PPEF2: variants seen among roughly 807,000 people sequenced by gnomAD.
PPEF2 encodes the protein serine/threonine-protein phosphatase with EF-hands 2.
In PPEF2, 84 loss-of-function variants were observed where a neutral mutation model predicts 84.7. The ratio of observed to expected loss-of-function variants is 0.99; its 90% CI spans 0.83 to 1.19. The LOEUF is 1.19. PPEF2 is among the 50% of genes most tolerant of loss of function. The probability of loss-of-function intolerance (pLI) is 0.00; values close to 1 mark genes in which losing one functional copy is unlikely to be tolerated. For missense variants in PPEF2, 924 were observed against 937.5 expected (o/e 0.99, Z 0.19); for synonymous variants, 346 against 345.2 (o/e 1.00, Z -0.03).
chr4:75,900,553 G>T (rs1489369670), intron 1 of PPEF2, among the ~76,000 whole-genome samples: 1 of 152,160 alleles, frequency 6.6e-6, no homozygotes, highest in Non-Finnish European at 1.5e-5. Flanking sequence ...CCTGCCTTGG[G>T]GCTCCCTGGT....
At chr4:75,881,041 C>A (rs1724558724) in intron 10 of PPEF2, among the ~76,000 whole-genome samples, 1 of 151,616 alleles carries the variant, frequency 6.6e-6, no homozygotes, top group Non-Finnish European at 1.5e-5. Context: ...ACCTCGTGAT[C>A]CACCCATCTC....
chr4:75,886,349 G>A (rs1440588885), intron 7 of PPEF2, among the ~76,000 whole-genome samples: 2 of 152,180 alleles, frequency 1.3e-5, no homozygotes, highest in South Asian at 4.1e-4. Flanking sequence ...GGCCGGTGCG[G>A]AGAGTCCCTC....
chr4:75,869,047 C>T (rs942367419), intron 13 of PPEF2, among the ~76,000 whole-genome samples: 5 of 152,168 alleles, frequency 3.3e-5, no homozygotes, highest in Non-Finnish European at 7.3e-5. Flanking sequence ...CCACCTAAAA[C>T]TCACCCCAAA....
chr4:75,899,908 A>G (rs554984904), intron 1 of PPEF2, among the ~76,000 whole-genome samples: 2 of 152,166 alleles, frequency 1.3e-5, no homozygotes, highest in East Asian at 1.9e-4. Flanking sequence ...CAAGTTGTGT[A>G]TTTAAGAGTG....
rs1419133103 is a variant in PPEF2 at position 75,861,697 on chromosome 4, C to T, written c.2009-777G>A. Among the ~76,000 whole-genome samples the T allele has an allele frequency of 1.4e-5, 2 of 138,282 alleles. 1 individual carries two copies. Among genetic ancestry groups the T allele is most frequent in the Admixed American group, 1.6e-4 (2 of 12,730 alleles). The allele number at this position is 138,282 out of a possible 152,430, so 90.7% of individuals were successfully genotyped here. On this transcript the variant is annotated intron_variant, in intron 16 of 16. Transcript: ENST00000286719. ...CAATCTCAGCTCACTACAAGCTCTGCCTCCTGGGTTCACGCCATTCTCCTG... is the reference window on the plus strand; with the variant it reads ...CAATCTCAGCTCACTACAAGCTCTGTCTCCTGGGTTCACGCCATTCTCCTG...
At chr4:75,864,389 G>A in intron 16 of PPEF2, 51 bp downstream of exon 16, 1 of 1,361,034 alleles carries the variant, frequency 7.3e-7, no homozygotes, top group Non-Finnish European at 1.1e-6. Flanking sequence ...AAGGGTTTAA[G>A]GTAAAATACT....
chr4:75,886,164 G>GT (rs1049572185), intron 7 of PPEF2, among the ~76,000 whole-genome samples: 2 of 152,194 alleles, frequency 1.3e-5, no homozygotes, highest in African/African-American at 4.8e-5. Flanking sequence ...GCTACCCTCT[G>GT]TGGGATTTTG....
At chr4:75,898,015 G>C (rs11942273) in intron 1 of PPEF2, among the ~76,000 whole-genome samples, 2 of 152,052 alleles carry the variant, frequency 1.3e-5, no homozygotes, top group Non-Finnish European at 1.5e-5. Context: ...GTATATATTC[G>C]ATTAACTAAA....
chr4:75,866,187 A>C lies in PPEF2; in HGVS notation c.1920+2T>G. On this transcript the variant is annotated splice_donor_variant, in intron 15 of 16. Coordinates refer to ENST00000286719, the MANE Select transcript of PPEF2 (RefSeq NM_006239.3). LOFTEE classifies it high-confidence loss of function. ...TCTCATCCACCATTACCACACCGTT[A>C]CCTCGCGACTCAGTTGTTCCTTGGC... is the stretch of plus-strand genomic sequence containing the variant. The C allele has an allele frequency of 6.2e-7, 1 of 1,609,204 alleles. No individual in the cohort carries two copies. Among genetic ancestry groups the C allele is most frequent in the Non-Finnish European group, 8.5e-7 (1 of 1,177,148 alleles).
intron 15 of PPEF2, 59 bp downstream of exon 15, chr4:75,866,130 T>C (rs1220964625): frequency 1.4e-6 from 2 of 1,444,976 alleles, no homozygotes; most frequent in African/African-American, 2.8e-5. Flanking sequence ...TGAATCAAAT[T>C]CTCTCTAAGG....
Position 75,873,227 on chromosome 4 carries a change from G to A in PPEF2, c.1406C>T (p.Pro469Leu). The A allele has an allele frequency of 6.2e-7, 1 of 1,614,076 alleles. No homozygotes were observed. The highest frequency in any genetic ancestry group is 8.5e-7 in the Non-Finnish European group (1 of 1,179,956). The stretch of plus-strand genomic sequence containing the variant: ...TTGTAGCAACTGTTGTGTCACATCA[G>A]GCCCAAAATAACAGCCTCCTCCTCG... ...TIRGGGCYFG[P>L]DVTQQLLQKY... The change falls in exon 12 of 17, where the codon CCT becomes CTT. Residue 469 changes from proline to leucine, a missense_variant. Physicochemically the swap from Pro to Leu is moderately conservative, Grantham distance 98 (BLOSUM62 -3). Transcript: ENST00000286719.
chr4:75,888,349 G>A (rs766533575), intron 5 of PPEF2, 21 bp from the exon 6 acceptor site: 1 of 1,563,248 alleles, frequency 6.4e-7, no homozygotes, highest in Non-Finnish European at 8.8e-7. Flanking sequence ...GAAGAGGAGG[G>A]AAGGAAGAAA....
chr4:75,896,503 A>G, intron 1 of PPEF2, 120 bp from the exon 2 acceptor site: 8 of 658,690 alleles, frequency 1.2e-5, no homozygotes, highest in Non-Finnish European at 1.9e-5. Context: ...CTAAGTGCAC[A>G]AGATGTTCCT....
In PPEF2 at chr4:75,866,463, A is replaced by G. The variant is rs1296908676; in HGVS notation, c.1757-111T>C. Reference sequence around the variant, plus strand: ...TTCTTACTATCTGCAGGTAATAGAAATAATGGGCACTGTCACTATTTTTGT... The same window carrying G: ...TTCTTACTATCTGCAGGTAATAGAAGTAATGGGCACTGTCACTATTTTTGT... On this transcript the variant is annotated intron_variant, in intron 14 of 16. Transcript: ENST00000286719. 3.7e-6 allele frequency: 5 copies of G among 1,344,350 alleles called. No individual in the cohort carries two copies. The East Asian group carries it at 1.2e-4, about 34-fold the overall frequency. The allele number at this position is 1,344,350 out of a possible 1,614,324, so 83.3% of individuals were successfully genotyped here. A position where few individuals can be genotyped will look rare whatever the true frequency, so the allele number is the denominator to read the frequency against.
intron 11 of PPEF2, among the ~76,000 whole-genome samples, chr4:75,874,773 C>T (rs2149217808): frequency 6.6e-6 from 1 of 152,336 alleles, no homozygotes; most frequent in South Asian, 2.1e-4. Context: ...TAACTAAACT[C>T]ACCATCTCTT....
chr4:75,864,840 A>G (rs981665645), intron 15 of PPEF2, among the ~76,000 whole-genome samples: 5 of 152,212 alleles, frequency 3.3e-5, no homozygotes, highest in African/African-American at 1.2e-4. Context: ...TAATATTTAC[A>G]TGTACATAAT....
Position 75,888,274 on chromosome 4 carries a change from C to T in PPEF2, c.472G>A (p.Val158Ile). The T allele has an allele frequency of 2.5e-6, 4 of 1,614,004 alleles. No homozygotes were observed. The highest frequency in any genetic ancestry group is 3.4e-6 in the Non-Finnish European group (4 of 1,179,976). Residue 158 changes from valine (V) to isoleucine (I), a missense_variant, in exon 6 of 17, where the codon GTA (valine) becomes ATA (isoleucine). Coordinates refer to ENST00000286719, the MANE Select transcript of PPEF2 (RefSeq NM_006239.3). ...ACCCGGTTGATGTTTGGCAGCTGTA[C>T]CAGATGTTTCTTGGTTTCATACAAA... ...NLLYETKKHL[V>I]QLPNINRVST...
chr4:75,876,294 C>A lies in PPEF2; in HGVS notation c.1313G>T (p.Trp438Leu), dbSNP rs754860667. 1.2e-6 allele frequency: 2 copies of A among 1,602,278 alleles called. No homozygotes were observed. The highest frequency in any genetic ancestry group is 1.7e-6 in the Non-Finnish European group (2 of 1,173,620). The change falls in exon 11 of 17, where the codon TGG (tryptophan) becomes TTG (leucine). Residue 438 changes from tryptophan (W) to leucine (L), a missense_variant. Trp to Leu is a moderately conservative substitution (Grantham distance 61, BLOSUM62 -2). Coordinates refer to ENST00000286719, the MANE Select transcript of PPEF2 (RefSeq NM_006239.3). ...GELRKPTQEE[W>L]RQVVDILWSD... ...GCGCCTGGCCACGCTCACCTGCCTC[C>A]ACTCCTCCTGAGTGGGCTTCCGCAG...
intron 1 of PPEF2, among the ~76,000 whole-genome samples, chr4:75,900,596 G>T (rs371811303): frequency 6.6e-6 from 1 of 152,114 alleles, no homozygotes; most frequent in Non-Finnish European, 1.5e-5. Flanking sequence ...ATGGATAATG[G>T]TAACGTCATT....
Sources: allele counts gnomAD v4.1 joint callset (sites outside exome capture counted in the v4.1 genomes callset), GRCh38; gene constraint gnomAD v4.1.1; transcripts MANE v1.5; gene names NCBI Gene and HGNC (gene_info 2026-07-23, HGNC 2026-07-21).